Variants in BEST2 observed in about 807,000 individuals in gnomAD.
The protein encoded by BEST2 is bestrophin 2.
In BEST2, 36 loss-of-function variants were observed where a neutral mutation model predicts 49.0. The ratio of observed to expected loss-of-function variants is 0.73; its 90% CI spans 0.56 to 0.97. The LOEUF (loss-of-function observed/expected upper bound fraction) is 0.97. Among genes scored for constraint, BEST2 ranks in the 50% least tolerant of loss-of-function variants. The probability of loss-of-function intolerance (pLI) is 0.00; values close to 1 mark genes in which losing one functional copy is unlikely to be tolerated. For missense variants in BEST2, 672 were observed against 710.0 expected (o/e 0.95, Z 0.61); for synonymous variants, 335 against 304.4 (o/e 1.10, Z -1.05).
chr19:12,756,993 A>T (rs187258721), intron 9 of BEST2, among the ~76,000 whole-genome samples: 94 of 151,880 alleles, frequency 6.2e-4, no homozygotes, highest in African/African-American at 2.1e-3. Context: ...AAAATACAAA[A>T]TTAGCCGGGC....
rs1489747802 is a variant in BEST2, at chr19:12,757,828, G to A, written c.1281G>A (p.Ala427=). 6.5e-7 allele frequency: 1 copy of A among 1,549,028 alleles called. No homozygotes were observed. The change falls in exon 10 of 10, where the codon GCG becomes GCA. Residue 427 remains alanine, a synonymous_variant. Coordinates refer to ENST00000553030, the MANE Select transcript of BEST2 (RefSeq NM_017682.3). ...GCAAGAACAGCTGCGTGTCGGAGGC[G>A]TCTACTGGGGCCAGCTGCTCATGCG... is the stretch of plus-strand genomic sequence containing the variant. The part of the protein sequence containing the change: ...LLRKNSCVSE[A]STGASCSCAV...
At chr19:12,756,945 A>G (rs990159126) in intron 9 of BEST2, among the ~76,000 whole-genome samples, 2 of 152,126 alleles carry the variant, frequency 1.3e-5, no homozygotes, top group African/African-American at 4.8e-5. Context: ...GGAGTTCGAG[A>G]CCAGCCTGGC....
In BEST2 at chr19:12,757,803, G is replaced by A; in HGVS notation, c.1256G>A (p.Arg419His). The A allele has an allele frequency of 3.9e-6, 6 of 1,548,516 alleles. No individual in the cohort carries two copies. The highest frequency in any genetic ancestry group is 5.2e-6 in the Non-Finnish European group (6 of 1,146,594). Reference sequence around the variant, plus strand: ...GGCCGGCGCCTGTCCTTTCTACTCCGCAAGAACAGCTGCGTGTCGGAGGCG... The same window carrying A: ...GGCCGGCGCCTGTCCTTTCTACTCCACAAGAACAGCTGCGTGTCGGAGGCG... ...PLGRRLSFLLRKNSCVSEAST... is the reference protein window; with the variant it reads ...PLGRRLSFLLHKNSCVSEAST... The change falls in exon 10 of 10, where the codon CGC becomes CAC. Residue 419 changes from arginine (R) to histidine (H), a missense_variant. Physicochemically the swap from Arg to His is conservative, Grantham distance 29. Transcript: ENST00000553030.
In BEST2 at chr19:12,757,292, G is replaced by A. The variant is rs560096333; in HGVS notation, c.1104-359G>A. Among the ~76,000 whole-genome samples the A allele has an allele frequency of 3.4e-3, 505 of 149,980 alleles. 4 individuals are homozygous for A. The highest frequency in any genetic ancestry group is 5.3e-3 in the Non-Finnish European group (358 of 67,568). On this transcript the variant is annotated intron_variant, in intron 9 of 9. Transcript: ENST00000553030. Reference sequence around the variant, plus strand: ...GCCGGTGTGGTGGCACGCACCTGTAGTCGCAGGTACTCAGGAGGCTGAGAC... The same window carrying A: ...GCCGGTGTGGTGGCACGCACCTGTAATCGCAGGTACTCAGGAGGCTGAGAC...
intron 2 of BEST2, 105 bp downstream of exon 2, chr19:12,752,849 A>G: frequency 2.3e-6 from 2 of 853,172 alleles, no homozygotes; most frequent in Non-Finnish European, 3.0e-6. Flanking sequence ...AAGTATATAT[A>G]TCTATGTTTT....
intron 8 of BEST2, 84 bp downstream of exon 8, chr19:12,756,019 T>A (rs1046654268): frequency 1.4e-5 from 22 of 1,587,530 alleles, no homozygotes; most frequent in Admixed American, 3.4e-5. Context: ...CCCTGCCAAG[T>A]CTTGCCAGGT....
Position 12,754,850 on chromosome 19 carries a change from G to T in BEST2, c.482-27G>T, listed in dbSNP as rs775382558. ...GACCAGGTGGAGGGGGGCAAGGGGC[G>T]AGCTATCCCTGACCCCTTTCCTCCA... On this transcript the variant is annotated intron_variant, in intron 4 of 9. Coordinates refer to ENST00000553030, the MANE Select transcript of BEST2 (RefSeq NM_017682.3). The T allele has an allele frequency of 3.7e-6, 6 of 1,602,192 alleles. No homozygotes were observed. The East Asian group carries it at 1.3e-4, about 36-fold the overall frequency.
intron 9 of BEST2, 23 bp from the exon 10 acceptor site, chr19:12,757,628 C>T (rs1224475420): frequency 2.6e-6 from 4 of 1,526,862 alleles, no homozygotes; most frequent in Non-Finnish European, 3.5e-6. Context: ...GGCCGCAGCG[C>T]TGGCCCACTG....
chr19:12,752,116 C>T (rs1967875591), intron 1 of BEST2: 1 of 173,040 alleles, frequency 5.8e-6, no homozygotes, highest in South Asian at 1.4e-4. Flanking sequence ...CAGAATGGGT[C>T]AAGACTGGGA....
chr19:12,756,534 T>G, intron 9 of BEST2: 1 of 564,018 alleles, frequency 1.8e-6, no homozygotes, highest in Non-Finnish European at 3.1e-6. Flanking sequence ...GACCGGTCAG[T>G]GGTGATTCCA....
At chr19:12,752,779 A>ACG (rs200473398) in intron 2 of BEST2, 35 bp downstream of exon 2, 1 of 1,563,096 alleles carries the variant, frequency 6.4e-7, no homozygotes, top group Non-Finnish European at 8.7e-7. Context: ...GTTCTAGCGG[A>ACG]GGGGGGGCAG....
rs1426018398 is a variant in BEST2, at chr19:12,757,346, AGGTT to A, written c.1104-303_1104-300del. Among the ~76,000 whole-genome samples, 6 of 152,266 alleles carry A rather than the reference AGGTT, an allele frequency of 3.9e-5. No homozygotes were observed. In the South Asian group the frequency reaches 1.2e-3, roughly 32 times the overall value. On this transcript the variant is annotated intron_variant, in intron 9 of 9. Coordinates refer to ENST00000553030, the MANE Select transcript of BEST2 (RefSeq NM_017682.3). ...AGAATCGCTTGAACCCGGGAGGCGA[AGGTT>A]GTGGTGAGCCGAGATTGCGCCACTG...
chr19:12,753,747 G>C (rs999068184), intron 3 of BEST2, among the ~76,000 whole-genome samples: 8 of 152,046 alleles, frequency 5.3e-5, no homozygotes, highest in African/African-American at 1.9e-4. Context: ...GACAAGTCTT[G>C]GACCCCTAGT....
chr19:12,755,293 A>G lies in BEST2; in HGVS notation c.637-86A>G. 1.4e-6 allele frequency: 2 copies of G among 1,415,824 alleles called. 1 individual carries two copies. The highest frequency in any genetic ancestry group is 4.6e-5 in the East Asian group (2 of 43,816). The allele number at this position is 1,415,824 out of a possible 1,614,324, so 87.7% of individuals were successfully genotyped here. A position where few individuals can be genotyped will look rare whatever the true frequency, so the allele number is the denominator to read the frequency against. ...CACTCCCAATTCCCACCAGGTGACC[A>G]CCCACCTCCATCCCACGTACCTACA... On this transcript the variant is annotated intron_variant, in intron 5 of 9. Transcript: ENST00000553030. This position sits in a 1 kb window ranked among gnomAD's most constrained non-coding sequence, Gnocchi z 4.4.
In BEST2 at chr19:12,754,857, C is replaced by A. The variant is rs763978620; in HGVS notation, c.482-20C>A. 1.9e-5 allele frequency: 31 copies of A among 1,606,470 alleles called. No homozygotes were observed. Among genetic ancestry groups the A allele is most frequent in the Non-Finnish European group, 2.6e-5 (31 of 1,176,548 alleles). On this transcript the variant is annotated intron_variant, in intron 4 of 9. Coordinates refer to ENST00000553030, the MANE Select transcript of BEST2 (RefSeq NM_017682.3). ...TGGAGGGGGGCAAGGGGCGAGCTAT[C>A]CCTGACCCCTTTCCTCCAGGGTTTA... is the stretch of plus-strand genomic sequence containing the variant.
chr19:12,757,559 G>A lies in BEST2; in HGVS notation c.1104-92G>A, dbSNP rs377644768. 6.7e-4 allele frequency: 913 copies of A among 1,359,968 alleles called. 17 individuals carry two copies. In the South Asian group the frequency reaches 0.012, roughly 17 times the overall value. The allele number at this position is 1,359,968 out of a possible 1,614,324, so 84.2% of individuals were successfully genotyped here. A position where few individuals can be genotyped will look rare whatever the true frequency, so the allele number is the denominator to read the frequency against. Reference sequence around the variant, plus strand: ...TCTTTGGGGATAAGTGGGACAAAGCGGTGGGTGGAGTCAGGGAAATCAGCG... The same window carrying A: ...TCTTTGGGGATAAGTGGGACAAAGCAGTGGGTGGAGTCAGGGAAATCAGCG... On this transcript the variant is annotated intron_variant, in intron 9 of 9. Coordinates refer to ENST00000553030, the MANE Select transcript of BEST2 (RefSeq NM_017682.3).
At chr19:12,756,724 G>A (rs2145706397) in intron 9 of BEST2, 2 of 193,504 alleles carry the variant, frequency 1.0e-5, no homozygotes, top group Middle Eastern at 2.3e-3. Context: ...GTGCACGCCT[G>A]TAGTCCCAGC....
rs1308306371 is a variant in BEST2, at chr19:12,754,729, C to G, written c.425C>G (p.Ser142Cys). 6.3e-7 allele frequency: 1 copy of G among 1,592,894 alleles called. No individual in the cohort carries two copies. The highest frequency in any genetic ancestry group is 8.5e-7 in the Non-Finnish European group (1 of 1,169,710). Residue 142 changes from serine to cysteine, a missense_variant, in exon 4 of 10, where the codon TCC becomes TGC. Transcript: ENST00000553030. The part of the protein sequence containing the change: ...AGLSAVLILR[S>C]VSTAVFKRFP... ...CTCTCGGCCGTGCTCATCCTGCGCT[C>G]CGTCAGCACCGCGGTGTTCAAGCGC...
In BEST2 at chr19:12,754,423, G is replaced by A. The variant is rs1455618099; in HGVS notation, c.248-129G>A. ...ACCCCCAAGTTCCCAGCCCAAACGT[G>A]GTCAGGTTGGCCAGCACGCTCGGGT... On this transcript the variant is annotated intron_variant, in intron 3 of 9. Transcript: ENST00000553030. 6 of 757,222 alleles carry A rather than the reference G, an allele frequency of 7.9e-6. No individual in the cohort carries two copies. The African/African-American group carries it at 1.1e-4, about 14-fold the overall frequency. The allele number at this position is 757,222 out of a possible 1,614,324, so 46.9% of individuals were successfully genotyped here. A position where few individuals can be genotyped will look rare whatever the true frequency, so the allele number is the denominator to read the frequency against.
Sources: allele counts gnomAD v4.1 joint callset (sites outside exome capture counted in the v4.1 genomes callset), GRCh38; gene constraint gnomAD v4.1.1; non-coding constraint Gnocchi (gnomAD v3.1); transcripts MANE v1.5; gene names NCBI Gene and HGNC (gene_info 2026-07-23, HGNC 2026-07-21).